Variants in RGS6 observed in about 807,000 individuals in gnomAD.
RGS6 encodes regulator of G protein signaling 6, also known as regulator of G-protein signaling 6.
A neutral mutation model predicts 78.5 loss-of-function variants in RGS6; 30 were observed. The observed-to-expected ratio is 0.38, with a 90% CI of 0.29 to 0.52. RGS6 has a LOEUF of 0.52. RGS6 is among the 20% of genes least tolerant of loss of function. RGS6 has a pLI of 0.85. For synonymous variants in RGS6, 206 were observed against 206.0 expected, an observed-to-expected ratio of 1.00 and a Z score of 0.00; for missense variants, 495 against 609.7, an observed-to-expected ratio of 0.81 and a Z score of 1.98.
intron 2 of RGS6, among the ~76,000 whole-genome samples, chr14:72,074,893 T>G (rs1250587435): frequency 6.6e-6 from 1 of 152,244 alleles, no homozygotes; most frequent in African/African-American, 2.4e-5. Flanking sequence ...TGTTTTGTCT[T>G]CAGCTGTCAA....
At chr14:72,127,377 T>C (rs543657166) in intron 2 of RGS6, among the ~76,000 whole-genome samples, 1 of 152,348 alleles carries the variant, frequency 6.6e-6, no homozygotes, top group Admixed American at 6.5e-5. Context: ...TTTTAAATTA[T>C]GAGATTTATA....
chr14:72,387,505 C>T (rs1596575686), intron 3 of RGS6, among the ~76,000 whole-genome samples: 1 of 151,084 alleles, frequency 6.6e-6, no homozygotes, highest in East Asian at 1.9e-4. Context: ...GCCGAGATCG[C>T]ACCACTGGAC....
chr14:71,891,147 T>A, the RGS6 span, among the ~76,000 whole-genome samples: 1 of 152,336 alleles, frequency 6.6e-6, no homozygotes, highest in African/African-American at 2.4e-5. Context: ...CATAGAATAT[T>A]GTAGTTTGTA....
At chr14:72,382,291 C>A (rs942702653) in intron 3 of RGS6, among the ~76,000 whole-genome samples, 4 of 152,002 alleles carry the variant, frequency 2.6e-5, no homozygotes, top group African/African-American at 4.8e-5. Flanking sequence ...AAACCATGAA[C>A]AAACATTTCA....
chr14:71,993,536 A>T (rs905643324), intron 2 of RGS6, among the ~76,000 whole-genome samples: 1 of 152,176 alleles, frequency 6.6e-6, no homozygotes, highest in South Asian at 2.1e-4. Flanking sequence ...TATTGTTGTT[A>T]TCCTTACTTT....
chr14:72,008,791 G>A (rs1268979606), intron 2 of RGS6, among the ~76,000 whole-genome samples: 3 of 152,140 alleles, frequency 2.0e-5, no homozygotes, highest in Non-Finnish European at 4.4e-5. Context: ...CAGATTGACA[G>A]TTTGACTGTA....
the RGS6 span, among the ~76,000 whole-genome samples, chr14:71,874,393 T>C: frequency 1.3e-5 from 2 of 152,138 alleles, no homozygotes; most frequent in African/African-American, 4.8e-5. Context: ...TATTTTATTC[T>C]CTTTGAAGCA....
chr14:72,446,160 G>A (rs538785001), intron 3 of RGS6, among the ~76,000 whole-genome samples: 96 of 152,248 alleles, frequency 6.3e-4, no homozygotes, highest in African/African-American at 2.3e-3. Flanking sequence ...TGGGAAGATC[G>A]GGAGAGGCCT....
chr14:72,027,286 TGAAA>T (rs1055588731), intron 2 of RGS6, among the ~76,000 whole-genome samples: 15 of 152,086 alleles, frequency 9.9e-5, no homozygotes, highest in African/African-American at 3.4e-4. Context: ...ATGTGCATAT[TGAAA>T]GAAAGGGGAT....
chr14:72,001,083 T>G (rs1293931085), intron 2 of RGS6, among the ~76,000 whole-genome samples: 1 of 152,186 alleles, frequency 6.6e-6, no homozygotes, highest in Non-Finnish European at 1.5e-5. Flanking sequence ...TGTGTCTGAC[T>G]CCACTTTTGG....
chr14:72,110,584 AGC>A lies in RGS6; in HGVS notation c.84+145710_84+145711del, dbSNP rs1484149230. Reference sequence around the variant, plus strand: ...TTTCCATTCCCCTCTCTACTAAATTAGCTCCCTGAGCATCAGAGTGTAAATCC... The same window carrying A: ...TTTCCATTCCCCTCTCTACTAAATTATCCCTGAGCATCAGAGTGTAAATCC... On this transcript the variant is annotated intron_variant, in intron 2 of 17. Transcript: ENST00000553525. 2.0e-5 allele frequency among the ~76,000 whole-genome samples: 3 copies of A among 152,236 alleles called. No individual in the cohort carries two copies. The South Asian group carries it at 6.2e-4, about 32-fold the overall frequency.
At chr14:72,594,274 C>T in the RGS6 span, 1 of 152,450 alleles carries the variant, frequency 6.6e-6, no homozygotes, top group Non-Finnish European at 1.5e-5. Context: ...GCCTCCTCCA[C>T]CACAGGACCT....
the RGS6 span, among the ~76,000 whole-genome samples, chr14:71,889,153 G>A: frequency 6.6e-6 from 1 of 152,106 alleles, no homozygotes; most frequent in Non-Finnish European, 1.5e-5. Flanking sequence ...TGGTCCAGGG[G>A]AGAGGAGAAC....
intron 2 of RGS6, among the ~76,000 whole-genome samples, chr14:72,222,889 ATACTG>A (rs1412058740): frequency 6.6e-6 from 1 of 152,212 alleles, no homozygotes; most frequent in East Asian, 1.9e-4. Flanking sequence ...CCAAAACTGA[ATACTG>A]TACTCACAAT....
At chr14:72,367,447 CT>C (rs911026577) in intron 3 of RGS6, among the ~76,000 whole-genome samples, 9 of 149,600 alleles carry the variant, frequency 6.0e-5, no homozygotes, top group East Asian at 2.0e-4. Context: ...CCTTGAGAAA[CT>C]TTTTTTTTTG....
intron 2 of RGS6, among the ~76,000 whole-genome samples, chr14:72,262,710 A>C (rs762386630): frequency 2.0e-5 from 3 of 152,202 alleles, no homozygotes; most frequent in Non-Finnish European, 4.4e-5. Context: ...TTTAGAACCA[A>C]TTACCTGTGA....
At chr14:72,541,646 T>C (rs1018485369) in intron 17 of RGS6, 18 of 1,533,142 alleles carry the variant, frequency 1.2e-5, no homozygotes, top group East Asian at 4.9e-5. Flanking sequence ...CTCTCTCTGT[T>C]TGTCTCTTTT....
intron 3 of RGS6, among the ~76,000 whole-genome samples, chr14:72,424,617 A>G (rs747859037): frequency 3.5e-4 from 54 of 152,368 alleles, no homozygotes; most frequent in Middle Eastern, 3.4e-3. Context: ...GAAATGAAAA[A>G]TTATATCATT....
intron 15 of RGS6, among the ~76,000 whole-genome samples, chr14:72,527,804 C>T (rs998857752): frequency 6.6e-6 from 1 of 152,224 alleles, no homozygotes; most frequent in Non-Finnish European, 1.5e-5. Flanking sequence ...TCCACACAGC[C>T]TCATTTTCCT....
Sources: allele counts gnomAD v4.1 joint callset (sites outside exome capture counted in the v4.1 genomes callset), GRCh38; gene constraint gnomAD v4.1.1; transcripts MANE v1.5; gene names NCBI Gene and HGNC (gene_info 2026-07-23, HGNC 2026-07-21).